Variants in ARMH3 observed in about 807,000 individuals in gnomAD.
ARMH3 encodes armadillo-like helical domain-containing protein 3.
ARMH3 carries 60 observed loss-of-function variants against 99.1 expected under a neutral mutation model. The observed-to-expected ratio is 0.61, with a 90% CI of 0.49 to 0.75. The LOEUF is 0.75. ARMH3 is among the 30% of genes least tolerant of loss of function. ARMH3 has a pLI of 0.00. For missense variants in ARMH3, 679 were observed against 843.1 expected, an observed-to-expected ratio of 0.81 and a Z score of 2.41; for synonymous variants, 285 against 292.8, an observed-to-expected ratio of 0.97 and a Z score of 0.27.
At chr10:101,966,952 A>G (rs2135875502) in intron 20 of ARMH3, among the ~76,000 whole-genome samples, 1 of 152,060 alleles carries the variant, frequency 6.6e-6, no homozygotes, top group East Asian at 1.9e-4. Flanking sequence ...ATGACATTTA[A>G]ATAAGATTAA....
chr10:101,866,966 G>C (rs1370806827), intron 24 of ARMH3, among the ~76,000 whole-genome samples: 1 of 151,976 alleles, frequency 6.6e-6, no homozygotes, highest in Non-Finnish European at 1.5e-5. Flanking sequence ...GTAGACAAAA[G>C]TACCCTATTC....
intron 13 of ARMH3, 126 bp downstream of exon 13, chr10:102,009,248 C>T: frequency 1.2e-6 from 1 of 821,802 alleles, no homozygotes; most frequent in Non-Finnish European, 2.0e-6. Context: ...GATTCAACTC[C>T]TTGTTACTAC....
At chr10:101,963,606 T>C (rs1845404833) in intron 20 of ARMH3, among the ~76,000 whole-genome samples, 2 of 152,166 alleles carry the variant, frequency 1.3e-5, no homozygotes, top group South Asian at 4.1e-4. Context: ...TATTTATTTA[T>C]TTTTGTTTTT....
chr10:101,945,997 C>T (rs568355486), intron 22 of ARMH3, among the ~76,000 whole-genome samples: 2 of 138,780 alleles, frequency 1.4e-5, no homozygotes, highest in South Asian at 2.4e-4. Flanking sequence ...GCAGAAGAAT[C>T]GCTTGAACCC....
intron 15 of ARMH3, among the ~76,000 whole-genome samples, chr10:101,999,811 G>A (rs1282966371): frequency 2.0e-5 from 3 of 152,288 alleles, no homozygotes; most frequent in East Asian, 3.9e-4. Context: ...CAGGCCGGGC[G>A]TGGTGGCCCA....
chr10:101,989,694 C>G (rs1338598278), intron 19 of ARMH3, among the ~76,000 whole-genome samples: 1 of 152,168 alleles, frequency 6.6e-6, no homozygotes, highest in Non-Finnish European at 1.5e-5. Flanking sequence ...GCACTCCAGC[C>G]TAGGCAACAG....
At chr10:101,868,329 T>C (rs925555113) in intron 24 of ARMH3, among the ~76,000 whole-genome samples, 4 of 152,232 alleles carry the variant, frequency 2.6e-5, no homozygotes, top group African/African-American at 9.6e-5. Flanking sequence ...TTTTGACTTC[T>C]TTTACAACAT....
At chr10:101,850,570 G>A (rs1260681523) in intron 24 of ARMH3, among the ~76,000 whole-genome samples, 3 of 151,932 alleles carry the variant, frequency 2.0e-5, no homozygotes, top group African/African-American at 7.2e-5. Context: ...GATTACAGGT[G>A]TGTGCCATCA....
At chr10:102,004,671 C>T (rs1384026467) in intron 14 of ARMH3, among the ~76,000 whole-genome samples, 1 of 152,136 alleles carries the variant, frequency 6.6e-6, no homozygotes, top group African/African-American at 2.4e-5. Flanking sequence ...GGTAACCAGG[C>T]AGGGTTCATT....
At position 102,023,141 on chromosome 10, in the gene ARMH3, C is replaced by T. The variant is rs1479010039; in HGVS notation, c.669+336G>A. 3.3e-5 allele frequency among the ~76,000 whole-genome samples: 5 copies of T among 150,322 alleles called. No individual in the cohort carries two copies. In the East Asian group the frequency reaches 9.8e-4, roughly 30 times the overall value. On this transcript the variant is annotated intron_variant, in intron 8 of 25. Transcript: ENST00000370033. ...GGCGGAGGTTACAGTGAGCCAAGAT[C>T]GTGCCATTGCACTCCAGCCTGGGCA...
intron 25 of ARMH3, 98 bp downstream of exon 25, chr10:101,849,678 A>G (rs534810211): frequency 2.0e-6 from 2 of 985,074 alleles, no homozygotes; most frequent in East Asian, 4.8e-5. Context: ...AGACCCCTCA[A>G]GTCTTGTTTT....
At chr10:102,008,920 A>G (rs1001835983) in intron 13 of ARMH3, among the ~76,000 whole-genome samples, 1 of 152,122 alleles carries the variant, frequency 6.6e-6, no homozygotes, top group Non-Finnish European at 1.5e-5. Flanking sequence ...GTTATCTGTT[A>G]ACAGCTAACC....
intron 4 of ARMH3, among the ~76,000 whole-genome samples, chr10:102,030,613 G>A (rs932468216): frequency 3.3e-5 from 5 of 152,054 alleles, no homozygotes; most frequent in Admixed American, 2.6e-4. Flanking sequence ...AGCAGGCTGA[G>A]GCAGGAGAAT....
intron 23 of ARMH3, among the ~76,000 whole-genome samples, chr10:101,899,054 T>A (rs1375419656): frequency 6.6e-6 from 1 of 152,182 alleles, no homozygotes; most frequent in East Asian, 1.9e-4. Flanking sequence ...AGAAAGGAGA[T>A]TTGAAAAAAT....
intron 24 of ARMH3, among the ~76,000 whole-genome samples, chr10:101,864,755 AG>A (rs903434914): frequency 1.3e-4 from 20 of 152,034 alleles, no homozygotes; most frequent in Non-Finnish European, 2.9e-5. Context: ...GGCTGGGGAG[AG>A]GGGGAAGGGA....
At chr10:101,850,090 C>CTTTTTT (rs754571008) in intron 24 of ARMH3, among the ~76,000 whole-genome samples, 198 bp from the exon 25 acceptor site, 20 of 91,342 alleles carry the variant, frequency 2.2e-4, no homozygotes, top group East Asian at 3.8e-4. Context: ...CTCTCTCTCT[C>CTTTTTT]TTTTTTTTTT....
chr10:101,913,767 G>A (rs983372876), intron 23 of ARMH3, among the ~76,000 whole-genome samples: 3 of 152,160 alleles, frequency 2.0e-5, no homozygotes, highest in Non-Finnish European at 4.4e-5. Flanking sequence ...CCTCCTTCCC[G>A]GAGCTGCCAT....
chr10:102,024,344 G>A (rs1324309490), intron 6 of ARMH3, among the ~76,000 whole-genome samples: 1 of 151,960 alleles, frequency 6.6e-6, no homozygotes, highest in African/African-American at 2.4e-5. Flanking sequence ...AGCTACTCGG[G>A]AGGCTGAGGC....
At chr10:101,905,218 G>C (rs2068074900) in intron 23 of ARMH3, among the ~76,000 whole-genome samples, 1 of 152,136 alleles carries the variant, frequency 6.6e-6, no homozygotes, top group Non-Finnish European at 1.5e-5. Context: ...CTCAGGTCAG[G>C]TGATGATTCT....
Sources: gnomAD v4.1 joint callset for allele counts (sites outside exome capture counted in the v4.1 genomes callset) on GRCh38, gnomAD v4.1.1 for gene constraint, MANE v1.5 for transcripts, NCBI Gene and HGNC (gene_info 2026-07-23, HGNC 2026-07-21) for gene names.